RGS14: variants seen among roughly 807,000 people sequenced by gnomAD.
RGS14 encodes the protein regulator of G-protein signaling 14.
Under a neutral mutation model 63.8 loss-of-function variants are expected in RGS14, and 33 were observed. That is an observed-to-expected ratio of 0.52 (90% CI 0.39 to 0.69). RGS14 has a LOEUF of 0.69. Among genes scored for constraint, RGS14 ranks in the 30% least tolerant of loss-of-function variants. RGS14 has a pLI of 0.00. For synonymous variants in RGS14, 296 were observed against 320.9 expected, an observed-to-expected ratio of 0.92 and a Z score of 0.83; for missense variants, 739 against 742.9, an observed-to-expected ratio of 0.99 and a Z score of 0.06.
At chr5:177,367,354 G>A (rs1239279434) in intron 5 of RGS14, 60 bp from the exon 6 acceptor site, 17 of 1,525,016 alleles carry the variant, frequency 1.1e-5, no homozygotes, top group Non-Finnish European at 1.3e-5. Context: ...CGGCCTGGGT[G>A]CAGGCAGCCC....
intron 1 of RGS14, among the ~76,000 whole-genome samples, chr5:177,365,388 A>C (rs980572822): frequency 1.3e-5 from 2 of 150,644 alleles, no homozygotes; most frequent in Admixed American, 6.6e-5. Context: ...TTTTTAGTAG[A>C]GACTGGGTTT....
chr5:177,366,405 C>A, intron 3 of RGS14, 50 bp downstream of exon 3: 1 of 1,463,688 alleles, frequency 6.8e-7, no homozygotes, highest in East Asian at 2.5e-5. Flanking sequence ...GAGGGCAGGG[C>A]GTGGATGGAG....
In RGS14 at chr5:177,372,037, G is replaced by A. The variant is rs114750523; in HGVS notation, c.1663G>A (p.Gly555Arg). 9.2e-4 allele frequency: 1,481 copies of A among 1,614,060 alleles called. 8 individuals carry two copies. In the African/African-American group the frequency reaches 0.017, roughly 19 times the overall value. Residue 555 changes from glycine to arginine, a missense_variant, in exon 15 of 15, where the codon GGG becomes AGG. By Grantham distance (125) the Gly-to-Arg change is moderately radical. Coordinates refer to ENST00000408923, the MANE Select transcript of RGS14 (RefSeq NM_006480.5). ...PQTKSAAQPI[G>R]GSLNSTTDSA... ...GACCAAATCAGCAGCCCAGCCCATC[G>A]GGGGATCCTTGAACTCCACCACCGA...
In RGS14 at chr5:177,358,448, C is replaced by T. The variant is rs114549595; in HGVS notation, c.45+379C>T. ...TACATCCCGCTCAGCCTGAGTCCTC[C>T]CCTCCTCACCCCCTGCTCCAGGTGC... is the stretch of plus-strand genomic sequence containing the variant. On this transcript the variant is annotated intron_variant, in intron 1 of 14. Coordinates refer to ENST00000408923, the MANE Select transcript of RGS14 (RefSeq NM_006480.5). This position sits in a 1 kb window ranked among gnomAD's most constrained non-coding sequence, Gnocchi z 4.8. Among the ~76,000 whole-genome samples the T allele has an allele frequency of 1.5e-3, 226 of 152,286 alleles. No homozygotes were observed. The highest frequency in any genetic ancestry group is 5.3e-3 in the African/African-American group (219 of 41,552).
In RGS14 at chr5:177,370,618, G is replaced by C; in HGVS notation, c.1081G>C (p.Val361Leu). ...CCTGGTCCTGGATCAGGACTGCACC[G>C]TGCTGGCGGATCAGGAAGTGCGGCT... ...QALVLDQDCT[V>L]LADQEVRLEN... The change falls in exon 10 of 15, where the codon GTG becomes CTG. Residue 361 changes from valine to leucine, a missense_variant. Val to Leu is a conservative substitution (Grantham distance 32). Coordinates refer to ENST00000408923, the MANE Select transcript of RGS14 (RefSeq NM_006480.5). 1 of 1,614,088 alleles carries C rather than the reference G, an allele frequency of 6.2e-7. No individual in the cohort carries two copies. Among genetic ancestry groups the C allele is most frequent in the East Asian group, 2.2e-5 (1 of 44,882 alleles).
rs1031709044 is a variant in RGS14 at position 177,359,811 on chromosome 5, TGCGGATGTGGATGGAGGG to T, written c.45+1746_45+1763del. 6.6e-6 allele frequency among the ~76,000 whole-genome samples: 1 copy of T among 152,046 alleles called. No homozygotes were observed. The highest frequency in any genetic ancestry group is 6.6e-5 in the Admixed American group (1 of 15,260). On this transcript the variant is annotated intron_variant, in intron 1 of 14. Transcript: ENST00000408923. The surrounding 1 kb of genome is among the most constrained non-coding windows in gnomAD (Gnocchi z 4.4). ...GCCAGACAGGCACTGGGATCTGAGG[TGCGGATGTGGATGGAGGG>T]GCGCCTGGGGGACAGGTATGTCTGG...
chr5:177,360,997 G>A lies in RGS14; in HGVS notation c.45+2928G>A, dbSNP rs1761953237. ...GGGCACGGCATAGGCCTGGCTGTGG[G>A]CAAACACAGGGACAGGGCCCTAGGG... On this transcript the variant is annotated intron_variant, in intron 1 of 14. Coordinates refer to ENST00000408923, the MANE Select transcript of RGS14 (RefSeq NM_006480.5). Among the ~76,000 whole-genome samples the A allele has an allele frequency of 5.3e-5, 8 of 152,348 alleles. 1 individual carries two copies. The South Asian group carries it at 1.7e-3, about 32-fold the overall frequency.
intron 1 of RGS14, among the ~76,000 whole-genome samples, chr5:177,365,253 C>T (rs1390876859): frequency 6.6e-6 from 1 of 152,208 alleles, no homozygotes; most frequent in Non-Finnish European, 1.5e-5. Flanking sequence ...AGGGCAATGC[C>T]ACAATCTCAG....
chr5:177,367,131 G>T (rs1762117950), intron 5 of RGS14, 97 bp downstream of exon 5: 1 of 1,466,066 alleles, frequency 6.8e-7, no homozygotes, highest in Non-Finnish European at 9.2e-7. Context: ...AAGCGGAGGG[G>T]GCAAATTTGG....
Position 177,372,484 on chromosome 5 carries a change from G to A in RGS14, c.*409G>A. 5.0e-6 allele frequency: 1 copy of A among 200,912 alleles called. No individual in the cohort carries two copies. Among genetic ancestry groups the A allele is most frequent in the Non-Finnish European group, 1.0e-5 (1 of 98,916 alleles). The allele number at this position is 200,912 out of a possible 1,614,324, so 12.4% of individuals were successfully genotyped here. A position where few individuals can be genotyped will look rare whatever the true frequency, so the allele number is the denominator to read the frequency against. ...CTTGAGGGTGCAGGCAGGCAGCCCT[G>A]TACCCCACCCACATAGACTATACTG... is the stretch of plus-strand genomic sequence containing the variant. On this transcript the variant is annotated 3_prime_UTR_variant, in exon 15 of 15. Transcript: ENST00000408923.
intron 10 of RGS14, 75 bp from the exon 11 acceptor site, chr5:177,370,830 C>G (rs557237189): frequency 1.3e-6 from 2 of 1,576,516 alleles, no homozygotes; most frequent in African/African-American, 1.3e-5. Flanking sequence ...AGCTCCACCC[C>G]CTCGCGTTTG....
At position 177,358,170 on chromosome 5, in the gene RGS14, CT is replaced by C. The variant is rs1761868577; in HGVS notation, c.45+102del. On this transcript the variant is annotated intron_variant, in intron 1 of 14. Transcript: ENST00000408923. The surrounding 1 kb of genome is among the most constrained non-coding windows in gnomAD (Gnocchi z 4.8). ...GCAGGGCCAGGCAAGAGCCCACGGG[CT>C]GCCAGCAGGCGAGAGAAGTTGGGTA... 7 of 1,018,902 alleles carry C rather than the reference CT, an allele frequency of 6.9e-6. No homozygotes were observed. Among genetic ancestry groups the C allele is most frequent in the Non-Finnish European group, 9.0e-6 (7 of 779,164 alleles). 63.1% of individuals were successfully genotyped at this position (1,018,902 alleles called of 1,614,324 possible). A position where few individuals can be genotyped will look rare whatever the true frequency, so the allele number is the denominator to read the frequency against.
At chr5:177,361,776 G>A (rs1761970828) in intron 1 of RGS14, among the ~76,000 whole-genome samples, 2 of 152,118 alleles carry the variant, frequency 1.3e-5, no homozygotes, top group Admixed American at 6.6e-5. Context: ...AGCTCCCCCA[G>A]GACCAAATTC....
chr5:177,364,998 A>G lies in RGS14; in HGVS notation c.46-965A>G, dbSNP rs558814842. 2.6e-5 allele frequency among the ~76,000 whole-genome samples: 4 copies of G among 152,204 alleles called. No individual in the cohort carries two copies. The highest frequency in any genetic ancestry group is 2.6e-4 in the Admixed American group (4 of 15,292). On this transcript the variant is annotated intron_variant, in intron 1 of 14. Transcript: ENST00000408923. This position sits in a 1 kb window ranked among gnomAD's most constrained non-coding sequence, Gnocchi z 4.6. The stretch of plus-strand genomic sequence containing the variant: ...TCCCACTCTGCACTGAAGTTTGAGA[A>G]CCACTGCTCTGTACTATAGACCAGC...
chr5:177,372,173 G>A lies in RGS14; in HGVS notation c.*98G>A, dbSNP rs1762289108. 1 of 1,250,950 alleles carries A rather than the reference G, an allele frequency of 8.0e-7. No homozygotes were observed. Among genetic ancestry groups the A allele is most frequent in the Non-Finnish European group, 1.1e-6 (1 of 889,666 alleles). 77.5% of individuals were successfully genotyped at this position (1,250,950 alleles called of 1,614,324 possible). ...CCCTGTCTGTGCCATGAGTGTCCCT[G>A]GCCCCTTCCTGCCATGGGCAGGCCC... On this transcript the variant is annotated 3_prime_UTR_variant, in exon 15 of 15. Coordinates refer to ENST00000408923, the MANE Select transcript of RGS14 (RefSeq NM_006480.5).
intron 1 of RGS14, among the ~76,000 whole-genome samples, chr5:177,363,176 C>G (rs973830562): frequency 3.3e-5 from 5 of 152,178 alleles, no homozygotes; most frequent in African/African-American, 1.2e-4. Flanking sequence ...AAGGCTTCGT[C>G]CCGTCCCTCC....
At position 177,372,431 on chromosome 5, in the gene RGS14, C is replaced by T. The variant is rs1393344550; in HGVS notation, c.*356C>T. On this transcript the variant is annotated 3_prime_UTR_variant, in exon 15 of 15. Transcript: ENST00000408923. Reference sequence around the variant, plus strand: ...CAGGGGCAAGAGGAGGGGCCGGCCCCTCCTCAGGAAGCTGGTATGAGTAAG... The same window carrying T: ...CAGGGGCAAGAGGAGGGGCCGGCCCTTCCTCAGGAAGCTGGTATGAGTAAG... The T allele has an allele frequency of 1.2e-5, 3 of 258,926 alleles. No homozygotes were observed. The highest frequency in any genetic ancestry group is 1.5e-5 in the Non-Finnish European group (2 of 134,956). The allele number at this position is 258,926 out of a possible 1,614,324, so 16.0% of individuals were successfully genotyped here.
Position 177,369,138 on chromosome 5 carries a change from C to A in RGS14, c.1053+218C>A, listed in dbSNP as rs1014906717. 7 of 581,584 alleles carry A rather than the reference C, an allele frequency of 1.2e-5. No homozygotes were observed. The Admixed American group carries it at 2.1e-4, about 17-fold the overall frequency. 36.0% of individuals were successfully genotyped at this position (581,584 alleles called of 1,614,324 possible). A position where few individuals can be genotyped will look rare whatever the true frequency, so the allele number is the denominator to read the frequency against. On this transcript the variant is annotated intron_variant, in intron 9 of 14. Coordinates refer to ENST00000408923, the MANE Select transcript of RGS14 (RefSeq NM_006480.5). ...TTCATCCATCATCCTATTGTGGTGA[C>A]CTTAGGGAGGTAAAACTGGAGAGAA...
intron 9 of RGS14, 125 bp downstream of exon 9, chr5:177,369,045 T>C: frequency 1.1e-6 from 1 of 895,374 alleles, no homozygotes; most frequent in Non-Finnish European, 1.8e-6. Context: ...CAAAGCACCC[T>C]CAGCACCAAC....
Sources: gnomAD v4.1 joint callset for allele counts (sites outside exome capture counted in the v4.1 genomes callset) on GRCh38, gnomAD v4.1.1 for gene constraint, Gnocchi (gnomAD v3.1) non-coding constraint, MANE v1.5 for transcripts, NCBI Gene and HGNC (gene_info 2026-07-23, HGNC 2026-07-21) for gene names.